COL27A1: variants seen among roughly 807,000 people sequenced by gnomAD.
COL27A1 encodes the protein collagen type XXVII alpha 1 chain.
A neutral mutation model predicts 251.3 loss-of-function variants in COL27A1; 106 were observed. The ratio of observed to expected loss-of-function variants is 0.42; its 90% CI spans 0.36 to 0.50. COL27A1 has a LOEUF of 0.50. Among genes scored for constraint, COL27A1 ranks in the 20% least tolerant of loss-of-function variants. The pLI is 0.00. For synonymous variants in COL27A1, 1,000 were observed against 986.3 expected, an observed-to-expected ratio of 1.01 and a Z score of -0.26; for missense variants, 2,325 against 2,522.8, an observed-to-expected ratio of 0.92 and a Z score of 1.68.
At position 114,231,440 on chromosome 9, in the gene COL27A1, T is replaced by C. The variant is rs113748393; in HGVS notation, c.2520+308T>C. The stretch of plus-strand genomic sequence containing the variant: ...ATCACCAGGGCCATAGAAACTACCA[T>C]GGCAAACCAGTGAACTCAGCCCATC... On this transcript the variant is annotated intron_variant, in intron 15 of 60. Transcript: ENST00000356083. 3.4e-3 allele frequency among the ~76,000 whole-genome samples: 514 copies of C among 152,202 alleles called. 2 individuals are homozygous for C. Among genetic ancestry groups the C allele is most frequent in the African/African-American group, 0.012 (497 of 41,520 alleles).
chr9:114,233,672 G>A (rs908587392), intron 16 of COL27A1, among the ~76,000 whole-genome samples: 1 of 152,232 alleles, frequency 6.6e-6, no homozygotes, highest in East Asian at 1.9e-4. Flanking sequence ...TCTCAGCTCA[G>A]CGTTGCTTCA....
At chr9:114,201,298 CG>C (rs1829558577) in intron 7 of COL27A1, among the ~76,000 whole-genome samples, 1 of 152,222 alleles carries the variant, frequency 6.6e-6, no homozygotes, top group Non-Finnish European at 1.5e-5. Context: ...CCACTTCTTG[CG>C]GTCAGCACCC....
intron 10 of COL27A1, among the ~76,000 whole-genome samples, chr9:114,208,574 T>TA (rs1830133850): frequency 6.6e-6 from 1 of 152,228 alleles, no homozygotes; most frequent in African/African-American, 2.4e-5. Flanking sequence ...TCGTGCTCAA[T>TA]AAACATTAGC....
chr9:114,202,025 T>C (rs1307240419), intron 7 of COL27A1, among the ~76,000 whole-genome samples: 2 of 152,322 alleles, frequency 1.3e-5, no homozygotes, highest in East Asian at 1.9e-4. Context: ...TGTATGGTAA[T>C]TTCTGCCTCC....
intron 27 of COL27A1, 80 bp from the exon 28 acceptor site, chr9:114,258,461 T>C: frequency 7.0e-7 from 1 of 1,428,652 alleles, no homozygotes; most frequent in Non-Finnish European, 9.7e-7. Context: ...GCCTTCAAGC[T>C]TTGCCCCACA....
chr9:114,210,896 G>T, intron 11 of COL27A1, 86 bp from the exon 12 acceptor site: 2 of 1,387,090 alleles, frequency 1.4e-6, no homozygotes, highest in South Asian at 2.3e-5. Context: ...ACTTCCTGCC[G>T]TGGGTGGCTC....
chr9:114,201,460 C>T (rs1446749482), intron 7 of COL27A1, among the ~76,000 whole-genome samples: 15 of 152,218 alleles, frequency 9.9e-5, no homozygotes, highest in Admixed American at 3.3e-4. Flanking sequence ...GCCTACCTCC[C>T]GCCTTGGCTA....
intron 23 of COL27A1, 73 bp from the exon 24 acceptor site, chr9:114,245,793 G>A: frequency 7.1e-7 from 1 of 1,406,376 alleles, no homozygotes; most frequent in Non-Finnish European, 1.0e-6. Context: ...AGGCCAGCAG[G>A]CCTGGGACTT....
At chr9:114,212,233 T>TGTGA (rs1830416430) in intron 12 of COL27A1, among the ~76,000 whole-genome samples, 1 of 152,142 alleles carries the variant, frequency 6.6e-6, no homozygotes, top group Non-Finnish European at 1.5e-5. Flanking sequence ...CACCTGATGC[T>TGTGA]CCCAGCTTCA....
chr9:114,158,739 C>G (rs1848296509), intron 1 of COL27A1, among the ~76,000 whole-genome samples: 1 of 152,220 alleles, frequency 6.6e-6, no homozygotes, highest in Admixed American at 6.5e-5. Flanking sequence ...ACTTTCCAGG[C>G]CTGGAGCTGA....
chr9:114,172,921 C>T (rs530173341), intron 3 of COL27A1, among the ~76,000 whole-genome samples: 2 of 152,366 alleles, frequency 1.3e-5, no homozygotes, highest in South Asian at 4.1e-4. Flanking sequence ...TGGGACAGCT[C>T]TCCCCTTAGA....
chr9:114,233,236 A>G (rs1007909498), intron 16 of COL27A1, among the ~76,000 whole-genome samples: 2 of 152,234 alleles, frequency 1.3e-5, no homozygotes, highest in African/African-American at 4.8e-5. Flanking sequence ...ACCAAGACCC[A>G]GGGAGAGAAA....
At chr9:114,289,672 C>T (rs557075426) in intron 45 of COL27A1, among the ~76,000 whole-genome samples, 1 of 152,230 alleles carries the variant, frequency 6.6e-6, no homozygotes, top group African/African-American at 2.4e-5. Flanking sequence ...TGCCTCTGCC[C>T]CAGGGCCCCT....
At position 114,167,998 on chromosome 9, in the gene COL27A1, A is replaced by C. The variant is rs1480040741; in HGVS notation, c.443A>C (p.Asp148Ala). 4.4e-6 allele frequency: 7 copies of C among 1,604,524 alleles called. No homozygotes were observed. The highest frequency in any genetic ancestry group is 5.9e-6 in the Non-Finnish European group (7 of 1,179,722). Reference protein sequence around the residue: ...HLGSRRSVAFDLDMHDGRWHH... With the variant: ...HLGSRRSVAFALDMHDGRWHH... ...GGGTCCCGGCGCTCAGTGGCCTTCGACCTCGACATGCACGACGGGCGCTGG... is the reference window on the plus strand; with the variant it reads ...GGGTCCCGGCGCTCAGTGGCCTTCGCCCTCGACATGCACGACGGGCGCTGG... The change falls in exon 3 of 61, where the codon GAC (aspartate) becomes GCC (alanine). Residue 148 changes from aspartate to alanine, a missense_variant. Asp to Ala is a moderately radical substitution (Grantham distance 126). This residue lies in a region of COL27A1 where 1,183 missense variants were observed against 1,144.1 expected (regional missense o/e 1.03). Transcript: ENST00000356083.
chr9:114,156,549 T>TG (rs1848134308), intron 1 of COL27A1, among the ~76,000 whole-genome samples: 4 of 151,130 alleles, frequency 2.6e-5, no homozygotes, highest in Non-Finnish European at 4.4e-5. Context: ...CTCCGCGTGT[T>TG]TGTGTTAGTC....
chr9:114,288,681 G>C (rs767392705), intron 42 of COL27A1, 21 bp from the exon 43 acceptor site: 1 of 1,603,580 alleles, frequency 6.2e-7, no homozygotes, highest in African/African-American at 1.3e-5. Context: ...CCCAAATTTT[G>C]CTGTTGTCTT....
intron 3 of COL27A1, among the ~76,000 whole-genome samples, chr9:114,176,718 G>A (rs1228076438): frequency 6.6e-6 from 1 of 152,166 alleles, no homozygotes; most frequent in African/African-American, 2.4e-5. Context: ...GAGGTCTCTG[G>A]ATGCTCAGAG....
chr9:114,218,424 A>T (rs563893760), intron 12 of COL27A1: 1 of 152,256 alleles, frequency 6.6e-6, no homozygotes, highest in East Asian at 1.9e-4. Context: ...AACATGCCAA[A>T]CTCCAGAGGT....
At chr9:114,159,369 C>T (rs1016361481) in intron 1 of COL27A1, among the ~76,000 whole-genome samples, 1 of 152,084 alleles carries the variant, frequency 6.6e-6, no homozygotes, top group Non-Finnish European at 1.5e-5. Context: ...TTCTCTTCCC[C>T]ACCTCGCCTT....
Sources: allele counts gnomAD v4.1 joint callset (sites outside exome capture counted in the v4.1 genomes callset), GRCh38; gene constraint gnomAD v4.1.1; regional missense constraint gnomAD v4.1.1; transcripts MANE v1.5; gene names NCBI Gene and HGNC (gene_info 2026-07-23, HGNC 2026-07-21).